Variants in USP31 observed in about 807,000 individuals in gnomAD.
USP31 encodes the protein ubiquitin carboxyl-terminal hydrolase 31.
USP31 carries 44 observed loss-of-function variants against 119.4 expected under a neutral mutation model. The ratio of observed to expected loss-of-function variants is 0.37; its 90% confidence interval spans 0.29 to 0.47. The LOEUF (loss-of-function observed/expected upper bound fraction) is 0.47. USP31 is among the 20% of genes least tolerant of loss of function. The pLI, the probability that USP31 is intolerant of heterozygous loss-of-function variation, is 0.99. For synonymous variants in USP31, 749 were observed against 705.6 expected, an observed-to-expected ratio of 1.06 and a Z score of -0.97; for missense variants, 1,643 against 1,730.2, an observed-to-expected ratio of 0.95 and a Z score of 0.89.
intron 1 of USP31, among the ~76,000 whole-genome samples, chr16:23,113,874 G>A (rs1230190911): frequency 6.6e-6 from 1 of 152,190 alleles, no homozygotes; most frequent in Admixed American, 6.5e-5. Flanking sequence ...GGAGGCTGAG[G>A]CGGGTGGATG....
chr16:23,138,720 C>G (rs1009097286), intron 1 of USP31, among the ~76,000 whole-genome samples: 1 of 152,128 alleles, frequency 6.6e-6, no homozygotes, highest in African/African-American at 2.4e-5. Flanking sequence ...AGGTTCCAAA[C>G]CCTTGCACTT....
chr16:23,112,295 C>T (rs916666084), intron 1 of USP31, among the ~76,000 whole-genome samples: 6 of 152,054 alleles, frequency 3.9e-5, no homozygotes, highest in African/African-American at 1.4e-4. Context: ...TATATATAAA[C>T]GGCCCGGACA....
chr16:23,093,604 T>C (rs958544605), intron 6 of USP31, among the ~76,000 whole-genome samples: 1 of 152,248 alleles, frequency 6.6e-6, no homozygotes, highest in South Asian at 2.1e-4. Context: ...ATCCAGCTCC[T>C]GTGGAAAACA....
At chr16:23,134,326 A>G (rs1903121020) in intron 1 of USP31, among the ~76,000 whole-genome samples, 1 of 152,240 alleles carries the variant, frequency 6.6e-6, no homozygotes, top group South Asian at 2.1e-4. Flanking sequence ...CAGGATGATC[A>G]TAAGGTTGGA....
rs764922458 is a variant in USP31 at position 23,079,998 on chromosome 16, G to A, written c.2124C>T (p.Asp708=). Residue 708 remains aspartate, a synonymous_variant, in exon 13 of 16, where the codon GAC becomes GAT. Coordinates refer to ENST00000219689, the MANE Select transcript of USP31 (RefSeq NM_020718.4). The stretch of plus-strand genomic sequence containing the variant: ...CATGGTGATTGCACACAGCATACAG[G>A]TCATAGATGTAGTCCTCAGGGTCCC... The part of the protein sequence containing the change: ...LGRDPEDYIY[D]LYAVCNHHGT... 8.7e-6 allele frequency: 14 copies of A among 1,613,930 alleles called. No homozygotes were observed. In the South Asian group the frequency reaches 8.8e-5, roughly 10 times the overall value.
At chr16:23,080,244 T>G (rs1900758408) in intron 12 of USP31, 73 bp from the exon 13 acceptor site, 1 of 1,320,092 alleles carries the variant, frequency 7.6e-7, no homozygotes, top group Non-Finnish European at 1.0e-6. Context: ...TAGAGGGGAA[T>G]GTGGATCCTA....
intron 1 of USP31, among the ~76,000 whole-genome samples, chr16:23,127,239 G>A (rs952129605): frequency 1.3e-5 from 2 of 151,946 alleles, no homozygotes; most frequent in African/African-American, 4.8e-5. Context: ...ACCAGCCTGG[G>A]CAACATAGTG....
chr16:23,085,147 C>G (rs1424609694), intron 10 of USP31, among the ~76,000 whole-genome samples, 158 bp from the exon 11 acceptor site: 1 of 152,050 alleles, frequency 6.6e-6, no homozygotes, highest in Non-Finnish European at 1.5e-5. Flanking sequence ...TTTCTATATT[C>G]CAAAATGTTC....
In USP31 at chr16:23,069,163, C is replaced by A. The variant is rs770870695; in HGVS notation, c.2942G>T (p.Gly981Val). 2.5e-6 allele frequency: 4 copies of A among 1,614,108 alleles called. No individual in the cohort carries two copies. Among genetic ancestry groups the A allele is most frequent in the Admixed American group, 1.7e-5 (1 of 60,024 alleles). Residue 981 changes from glycine to valine, a missense_variant, in exon 16 of 16, where the codon GGT (glycine) becomes GTT (valine). Physicochemically the swap from Gly to Val is moderately radical, Grantham distance 109 (BLOSUM62 -3). Around this residue, in one of 5 missense-constraint regions of USP31, gnomAD observed 699 missense variants for 650.9 expected, o/e 1.07. Coordinates refer to ENST00000219689, the MANE Select transcript of USP31 (RefSeq NM_020718.4). ...GATCTGATTATTGTTATCAAATGGA[C>A]CAGAGAGCGGGGGCAGGCGGTCCCC... ...AQGDRLPPLS[G>V]PFDNNNQIAY...
chr16:23,132,337 T>G (rs987626742), intron 1 of USP31, among the ~76,000 whole-genome samples: 1 of 152,172 alleles, frequency 6.6e-6, no homozygotes, highest in Non-Finnish European at 1.5e-5. Flanking sequence ...AAAAGGTTTT[T>G]TTTTTTTTTT....
chr16:23,130,502 G>A (rs1213262917), intron 1 of USP31, among the ~76,000 whole-genome samples: 1 of 152,002 alleles, frequency 6.6e-6, no homozygotes, highest in Non-Finnish European at 1.5e-5. Context: ...ACAGCGGAGG[G>A]GCTAGAAGGC....
intron 1 of USP31, among the ~76,000 whole-genome samples, chr16:23,119,164 T>TCTCA (rs1433117621): frequency 6.6e-6 from 1 of 150,778 alleles, no homozygotes; most frequent in African/African-American, 2.4e-5. Context: ...AGTGGCACAA[T>TCTCA]CTCAGCTCAC....
intron 1 of USP31, among the ~76,000 whole-genome samples, chr16:23,145,452 T>C (rs1596741924): frequency 1.3e-5 from 2 of 152,306 alleles, no homozygotes; most frequent in South Asian, 4.1e-4. Context: ...TCATCTCCTC[T>C]GTGAAGACAG....
At chr16:23,096,303 C>CATAT (rs1308138920) in intron 6 of USP31, among the ~76,000 whole-genome samples, 3 of 152,124 alleles carry the variant, frequency 2.0e-5, no homozygotes, top group Non-Finnish European at 4.4e-5. Context: ...AACTATCCTA[C>CATAT]ATATATATGC....
Position 23,063,110 on chromosome 16 carries a change from T to C in USP31, c.*4936A>G, listed in dbSNP as rs4968044. 41,603 of 152,138 alleles carry C rather than the reference T, an allele frequency of 0.27. 6,133 individuals carry two copies. Among genetic ancestry groups the C allele is most frequent in the Admixed American group, 0.35 (5,319 of 15,292 alleles). 9.4% of individuals were successfully genotyped at this position (152,138 alleles called of 1,614,324 possible). On this transcript the variant is annotated 3_prime_UTR_variant, in exon 16 of 16. Coordinates refer to ENST00000219689, the MANE Select transcript of USP31 (RefSeq NM_020718.4). Reference sequence around the variant, plus strand: ...TTAAAGTTCCCCAGCTGATTCTAGTTAATGTGGGTCTTCACTATCTCAGAC... The same window carrying C: ...TTAAAGTTCCCCAGCTGATTCTAGTCAATGTGGGTCTTCACTATCTCAGAC...
At chr16:23,087,060 T>G in intron 9 of USP31, 32 bp downstream of exon 9, 1 of 1,536,448 alleles carries the variant, frequency 6.5e-7, no homozygotes. Context: ...TGTGAGATTC[T>G]AAAAGGTAAT....
At chr16:23,084,590 A>T (rs571964427) in intron 11 of USP31, among the ~76,000 whole-genome samples, 1 of 152,314 alleles carries the variant, frequency 6.6e-6, no homozygotes, top group Non-Finnish European at 1.5e-5. Context: ...TGAGAAAGAA[A>T]ATCACCAAAA....
At chr16:23,133,699 G>C (rs368983352) in intron 1 of USP31, among the ~76,000 whole-genome samples, 10 of 152,296 alleles carry the variant, frequency 6.6e-5, no homozygotes, top group African/African-American at 2.4e-4. Flanking sequence ...TTTGTGGAAA[G>C]TTGTTGATTT....
intron 5 of USP31, among the ~76,000 whole-genome samples, chr16:23,103,000 T>C (rs1454107485): frequency 6.6e-6 from 1 of 152,220 alleles, no homozygotes; most frequent in Non-Finnish European, 1.5e-5. Flanking sequence ...CTGTGGATTT[T>C]GGTATCCTAG....
Sources: allele counts gnomAD v4.1 joint callset (sites outside exome capture counted in the v4.1 genomes callset), GRCh38; gene constraint gnomAD v4.1.1; regional missense constraint gnomAD v4.1.1; transcripts MANE v1.5; gene names NCBI Gene and HGNC (gene_info 2026-07-23, HGNC 2026-07-21).